Variants in PRKAG2 observed in about 807,000 individuals in gnomAD.
PRKAG2 encodes 5'-AMP-activated protein kinase subunit gamma-2.
Under a neutral mutation model 69.6 loss-of-function variants are expected in PRKAG2, and 26 were observed. That is an observed-to-expected ratio of 0.37 (90% CI 0.27 to 0.52). The LOEUF (loss-of-function observed/expected upper bound fraction) is 0.52. Among genes scored for constraint, PRKAG2 ranks in the 20% least tolerant of loss-of-function variants. PRKAG2 has a pLI of 0.90. For missense variants in PRKAG2, 557 were observed against 740.0 expected (o/e 0.75, Z 2.87); for synonymous variants, 293 against 285.0 (o/e 1.03, Z -0.28).
chr7:151,739,586 C>T (rs556580309), intron 3 of PRKAG2, among the ~76,000 whole-genome samples: 67 of 152,246 alleles, frequency 4.4e-4, no homozygotes, highest in African/African-American at 1.4e-3. Flanking sequence ...CCTCCCACCT[C>T]AGCCTCACAA....
intron 1 of PRKAG2, among the ~76,000 whole-genome samples, chr7:151,818,158 GT>G (rs1308400866): frequency 6.6e-6 from 1 of 152,186 alleles, no homozygotes; most frequent in African/African-American, 2.4e-5. Context: ...TACATAACAA[GT>G]CAAAACAGTG....
At chr7:151,630,957 G>T (rs1824260657) in intron 5 of PRKAG2, among the ~76,000 whole-genome samples, 1 of 152,188 alleles carries the variant, frequency 6.6e-6, no homozygotes, top group Admixed American at 6.5e-5. Context: ...TTCTCTTCCA[G>T]CTAACATGTT....
chr7:151,755,101 G>A (rs1046782620), intron 3 of PRKAG2, among the ~76,000 whole-genome samples: 1 of 152,166 alleles, frequency 6.6e-6, no homozygotes, highest in Non-Finnish European at 1.5e-5. Context: ...CCTGAGCGGG[G>A]GTCGGGGGCT....
chr7:151,593,672 C>T (rs762072074), intron 6 of PRKAG2, among the ~76,000 whole-genome samples: 36 of 152,100 alleles, frequency 2.4e-4, no homozygotes, highest in Middle Eastern at 6.3e-3. Flanking sequence ...TCACAGTTCT[C>T]GAGACCGCAT....
chr7:151,612,237 C>T (rs1372398718), intron 5 of PRKAG2, among the ~76,000 whole-genome samples: 3 of 152,196 alleles, frequency 2.0e-5, no homozygotes, highest in Non-Finnish European at 2.9e-5. Context: ...CTGAACCTGC[C>T]CGCAGGTTTG....
intron 3 of PRKAG2, among the ~76,000 whole-genome samples, chr7:151,693,137 G>C (rs976281577): frequency 3.3e-5 from 5 of 152,180 alleles, no homozygotes; most frequent in African/African-American, 1.2e-4. Context: ...GGGGTCTTTG[G>C]TATATCTCTG....
chr7:151,574,243 C>T (rs766160132), intron 8 of PRKAG2, among the ~76,000 whole-genome samples: 1 of 152,128 alleles, frequency 6.6e-6, no homozygotes. Context: ...CTTCCCCCCA[C>T]CCTCATGAAC....
chr7:151,658,030 C>A (rs910953520), intron 4 of PRKAG2, among the ~76,000 whole-genome samples: 1 of 151,662 alleles, frequency 6.6e-6, no homozygotes, highest in African/African-American at 2.4e-5. Context: ...TGGTGGCGCA[C>A]GCATGTAGTC....
At chr7:151,864,122 A>C (rs946003062) in intron 1 of PRKAG2, among the ~76,000 whole-genome samples, 1 of 152,172 alleles carries the variant, frequency 6.6e-6, no homozygotes, top group African/African-American at 2.4e-5. Flanking sequence ...AAATAGCACG[A>C]AACAAGCACT....
At chr7:151,856,670 C>T (rs185148954) in intron 1 of PRKAG2, among the ~76,000 whole-genome samples, 11 of 152,258 alleles carry the variant, frequency 7.2e-5, no homozygotes, top group African/African-American at 2.4e-4. Context: ...GTCTGGCACC[C>T]ACACCGAATA....
At chr7:151,663,333 A>T (rs928277746) in intron 4 of PRKAG2, among the ~76,000 whole-genome samples, 1 of 152,148 alleles carries the variant, frequency 6.6e-6, no homozygotes, top group Non-Finnish European at 1.5e-5. Flanking sequence ...ATAATCTTCA[A>T]GTCCTAACTC....
At chr7:151,725,323 G>A (rs1797762545) in intron 3 of PRKAG2, among the ~76,000 whole-genome samples, 1 of 152,076 alleles carries the variant, frequency 6.6e-6, no homozygotes, top group Non-Finnish European at 1.5e-5. Flanking sequence ...CTGACGAGAG[G>A]TCCCTGGAGT....
intron 3 of PRKAG2, among the ~76,000 whole-genome samples, chr7:151,740,110 C>T (rs578079913): frequency 2.6e-4 from 39 of 152,340 alleles, no homozygotes; most frequent in Non-Finnish European, 3.8e-4. Flanking sequence ...TCACCCTGAA[C>T]GCCTGCGGTC....
At chr7:151,826,170 T>C (rs1269255235) in intron 1 of PRKAG2, among the ~76,000 whole-genome samples, 1 of 150,944 alleles carries the variant, frequency 6.6e-6, no homozygotes, top group East Asian at 1.9e-4. Flanking sequence ...GACTTCCAGT[T>C]CCACTTTTTT....
intron 3 of PRKAG2, among the ~76,000 whole-genome samples, chr7:151,684,309 A>G (rs902824577): frequency 6.6e-6 from 1 of 152,060 alleles, no homozygotes; most frequent in African/African-American, 2.4e-5. Context: ...GCCCCCAACG[A>G]TACAGTTTCC....
At chr7:151,714,126 A>T (rs562591327) in intron 3 of PRKAG2, among the ~76,000 whole-genome samples, 27 of 152,162 alleles carry the variant, frequency 1.8e-4, no homozygotes, top group Admixed American at 1.8e-3. Flanking sequence ...TGAACAGGTG[A>T]TCTCCATTGG....
intron 6 of PRKAG2, among the ~76,000 whole-genome samples, chr7:151,585,099 A>G (rs1811328868): frequency 6.6e-6 from 1 of 152,136 alleles, no homozygotes; most frequent in Admixed American, 6.5e-5. Context: ...AAAATCATAT[A>G]TAAAGGCTGG....
At chr7:151,558,856 C>T (rs1011963862) in intron 15 of PRKAG2, 2 of 985,250 alleles carry the variant, frequency 2.0e-6, no homozygotes, top group African/African-American at 1.7e-5. Flanking sequence ...GAAATTTGAA[C>T]TCATCCAGCA....
chr7:151,845,499 C>T (rs2079409323), intron 1 of PRKAG2, among the ~76,000 whole-genome samples: 1 of 152,122 alleles, frequency 6.6e-6, no homozygotes, highest in African/African-American at 2.4e-5. Context: ...CCAGAGCTTG[C>T]TCAAGTTTGA....
Sources: gnomAD v4.1 joint callset for allele counts (sites outside exome capture counted in the v4.1 genomes callset) on GRCh38, gnomAD v4.1.1 for gene constraint, MANE v1.5 for transcripts, NCBI Gene and HGNC (gene_info 2026-07-23, HGNC 2026-07-21) for gene names.